FBRSL1: variants seen among roughly 807,000 people sequenced by gnomAD.
FBRSL1 encodes fibrosin like 1.
A neutral mutation model predicts 89.6 loss-of-function variants in FBRSL1; 51 were observed. The ratio of observed to expected loss-of-function variants is 0.57; its 90% CI spans 0.45 to 0.72. FBRSL1 has a LOEUF of 0.72. FBRSL1 is among the 30% of genes least tolerant of loss of function. The probability of loss-of-function intolerance (pLI) is 0.00; values close to 1 mark genes in which losing one functional copy is unlikely to be tolerated. For missense variants in FBRSL1, 1,618 were observed against 1,451.8 expected (o/e 1.11, Z -1.86); for synonymous variants, 779 against 681.1 (o/e 1.14, Z -2.24).
intron 2 of FBRSL1, chr12:132,509,386 A>C: frequency 8.1e-7 from 1 of 1,241,334 alleles, no homozygotes; most frequent in Non-Finnish European, 1.0e-6. Context: ...GGCCTGAAAC[A>C]GCCCTGCCAG....
At chr12:132,500,860 C>T (rs1372292701) in intron 1 of FBRSL1, among the ~76,000 whole-genome samples, 2 of 152,190 alleles carry the variant, frequency 1.3e-5, no homozygotes, top group African/African-American at 2.4e-5. Context: ...GCCGCAGTGT[C>T]CCCCACAGCC....
In FBRSL1 at chr12:132,582,131, C is replaced by T; in HGVS notation, c.2066C>T (p.Ala689Val). ...SVHGLPSPHE[A>V]WNRLHRAPPS... ...CACGGCCTGCCCAGCCCCCATGAGG[C>T]CTGGAACCGACTGCACCGGGCACCG... The change falls in exon 18 of 19, where the codon GCC becomes GTC. Residue 689 changes from alanine to valine, a missense_variant. Physicochemically the swap from Ala to Val is moderately conservative, Grantham distance 64. Coordinates refer to ENST00000680143, the MANE Select transcript of FBRSL1 (RefSeq NM_001367871.1). 1.3e-6 allele frequency: 2 copies of T among 1,549,960 alleles called. No individual in the cohort carries two copies. Among genetic ancestry groups the T allele is most frequent in the East Asian group, 4.9e-5 (2 of 40,902 alleles).
intron 2 of FBRSL1, chr12:132,510,631 C>T (rs1476503571): frequency 1.1e-5 from 14 of 1,230,250 alleles, no homozygotes; most frequent in East Asian, 6.3e-5. Flanking sequence ...CGGCCAGAGG[C>T]GGGAGCCCCT....
chr12:132,508,060 G>A (rs949737077), intron 1 of FBRSL1, 93 bp from the exon 2 acceptor site: 9 of 1,285,906 alleles, frequency 7.0e-6, no homozygotes, highest in South Asian at 1.4e-5. Context: ...AAGTGGGGAG[G>A]CTCCTTCCCA....
At chr12:132,545,658 A>T (rs1458683570) in intron 4 of FBRSL1, among the ~76,000 whole-genome samples, 1 of 152,148 alleles carries the variant, frequency 6.6e-6, no homozygotes, top group Non-Finnish European at 1.5e-5. Flanking sequence ...GCTCTGGCCC[A>T]TGGGTCTCGG....
chr12:132,570,519 G>A lies in FBRSL1; in HGVS notation c.1192G>A (p.Val398Ile). The A allele has an allele frequency of 6.6e-7, 1 of 1,523,866 alleles. No homozygotes were observed. Among genetic ancestry groups the A allele is most frequent in the Non-Finnish European group, 8.8e-7 (1 of 1,140,756 alleles). 94.4% of individuals were successfully genotyped at this position (1,523,866 alleles called of 1,614,324 possible). A position where few individuals can be genotyped will look rare whatever the true frequency, so the allele number is the denominator to read the frequency against. The change falls in exon 8 of 19, where the codon GTC (valine) becomes ATC (isoleucine). Residue 398 changes from valine (V) to isoleucine (I), a missense_variant. Transcript: ENST00000680143. Reference protein sequence around the residue: ...PPPALPASSLVLPGHPADASL... With the variant: ...PPPALPASSLILPGHPADASL... ...CCCGGCGCTGCCGGCCAGCAGCCTG[G>A]TCCTCCCAGGACACCCGGCCGGTAG...
intron 2 of FBRSL1, chr12:132,511,657 G>T: frequency 1.0e-6 from 1 of 985,520 alleles, no homozygotes; most frequent in Non-Finnish European, 1.2e-6. Context: ...GCCTGGTCTT[G>T]CCCAGCTGGG....
chr12:132,509,548 G>T, intron 2 of FBRSL1: 5 of 1,233,230 alleles, frequency 4.1e-6, no homozygotes, highest in Non-Finnish European at 4.0e-6. Flanking sequence ...TGCTGCAGGC[G>T]CCTGCGGTCC....
chr12:132,575,432 T>C (rs2040322417), intron 14 of FBRSL1, among the ~76,000 whole-genome samples: 1 of 152,212 alleles, frequency 6.6e-6, no homozygotes, highest in Non-Finnish European at 1.5e-5. Flanking sequence ...TTTCACCATG[T>C]TGGCCAGGAT....
At chr12:132,577,284 C>G (rs2040440804) in intron 15 of FBRSL1, among the ~76,000 whole-genome samples, 1 of 152,208 alleles carries the variant, frequency 6.6e-6, no homozygotes, top group Non-Finnish European at 1.5e-5. Flanking sequence ...CCCCTCCTCC[C>G]TGGGGCTCCC....
At chr12:132,537,786 G>T (rs1282052829) in intron 4 of FBRSL1, among the ~76,000 whole-genome samples, 1 of 152,220 alleles carries the variant, frequency 6.6e-6, no homozygotes, top group Non-Finnish European at 1.5e-5. Context: ...CCACACGTGT[G>T]CCTGCTATGT....
intron 1 of FBRSL1, chr12:132,507,340 A>T (rs2033808954): frequency 1.0e-6 from 1 of 985,292 alleles, no homozygotes; most frequent in Admixed American, 6.1e-5. Flanking sequence ...GACGCGCCGT[A>T]TCTGTCTGCA....
At chr12:132,505,621 G>A (rs987981344) in intron 1 of FBRSL1, among the ~76,000 whole-genome samples, 3 of 152,236 alleles carry the variant, frequency 2.0e-5, no homozygotes, top group Non-Finnish European at 4.4e-5. Flanking sequence ...GTGACTGAGC[G>A]ACTGGGCAGA....
At chr12:132,496,267 G>T (rs1259584717) in intron 1 of FBRSL1, among the ~76,000 whole-genome samples, 1 of 152,202 alleles carries the variant, frequency 6.6e-6, no homozygotes, top group Non-Finnish European at 1.5e-5. Context: ...TTACGGGGAG[G>T]TCTGTCGCCA....
chr12:132,507,135 C>T (rs2033785609), intron 1 of FBRSL1: 7 of 954,526 alleles, frequency 7.3e-6, no homozygotes, highest in African/African-American at 1.8e-5. Context: ...GGGTCCTCCT[C>T]GGGGACACTG....
intron 5 of FBRSL1, chr12:132,551,500 G>C: frequency 2.2e-6 from 1 of 456,320 alleles, no homozygotes; most frequent in South Asian, 1.5e-5. Context: ...TGGGGAGGGC[G>C]CGGGCGCATG....
chr12:132,547,789 G>C (rs1225432895), intron 4 of FBRSL1, among the ~76,000 whole-genome samples: 1 of 152,188 alleles, frequency 6.6e-6, no homozygotes, highest in African/African-American at 2.4e-5. Context: ...ATCCCACCCG[G>C]GGGGCTGTGA....
chr12:132,561,384 C>G lies in FBRSL1; in HGVS notation c.646-6097C>G, dbSNP rs559801180. ...TGGCCCTGGGGAGCTTGTGTTCGAA[C>G]CTGGGACGTGGAGCGGAACCCACTA... On this transcript the variant is annotated intron_variant, in intron 5 of 18. Transcript: ENST00000680143. 3.1e-4 allele frequency among the ~76,000 whole-genome samples: 47 copies of G among 152,240 alleles called. 1 individual carries two copies. The South Asian group carries it at 9.3e-3, about 30-fold the overall frequency.
intron 5 of FBRSL1, among the ~76,000 whole-genome samples, chr12:132,563,017 C>CCCCCACAGCCTGCA (rs2039273053): frequency 7.4e-6 from 1 of 134,508 alleles, no homozygotes; most frequent in African/African-American, 2.8e-5. Flanking sequence ...CCACACCTGG[C>CCCCCACAGCCTGCA]CCCCACAGCC....
Sources: allele counts gnomAD v4.1 joint callset (sites outside exome capture counted in the v4.1 genomes callset), GRCh38; gene constraint gnomAD v4.1.1; transcripts MANE v1.5; gene names NCBI Gene and HGNC (gene_info 2026-07-23, HGNC 2026-07-21).